Variants in MYH15 observed in about 807,000 individuals in gnomAD.
The protein encoded by MYH15 is myosin heavy chain 15.
In MYH15, 227 loss-of-function variants were observed where a neutral mutation model predicts 240.5. The observed-to-expected ratio is 0.94, with a 90% confidence interval of 0.85 to 1.05. MYH15 has a LOEUF of 1.05. Ranked by LOEUF, MYH15 falls within the 50% of genes least tolerant of loss-of-function variation. The pLI, the probability that MYH15 is intolerant of heterozygous loss-of-function variation, is 0.00. For missense variants in MYH15, 2,217 were observed against 2,247.5 expected, an observed-to-expected ratio of 0.99 and a Z score of 0.27; for synonymous variants, 785 against 796.7, an observed-to-expected ratio of 0.99 and a Z score of 0.25.
intron 37 of MYH15, 35 bp downstream of exon 37, chr3:108,391,725 G>T (rs1471696791): frequency 6.3e-7 from 1 of 1,589,298 alleles, no homozygotes; most frequent in African/African-American, 1.4e-5. Context: ...TTGAATTGGG[G>T]ACTGTCAAGC....
chr3:108,466,326 T>TTACTTTTA (rs1158685520), intron 14 of MYH15, among the ~76,000 whole-genome samples: 1 of 152,260 alleles, frequency 6.6e-6, no homozygotes, highest in Non-Finnish European at 1.5e-5. Flanking sequence ...AAATGCATTT[T>TTACTTTTA]TACTTTTATT....
chr3:108,397,987 A>T (rs529649421), intron 35 of MYH15, among the ~76,000 whole-genome samples: 94 of 152,246 alleles, frequency 6.2e-4, no homozygotes, highest in East Asian at 1.9e-4. Flanking sequence ...ATTTTGTCTC[A>T]CACACACACA....
intron 25 of MYH15, among the ~76,000 whole-genome samples, chr3:108,432,773 C>T (rs113323878): frequency 0.23 from 35,664 of 152,010 alleles, 4,765 homozygotes; most frequent in Non-Finnish European, 0.3. Context: ...ATGGAGCCTA[C>T]GAGTACACAG....
At chr3:108,431,022 G>A (rs1292270079) in intron 25 of MYH15, 100 bp from the exon 26 acceptor site, 2 of 841,420 alleles carry the variant, frequency 2.4e-6, no homozygotes, top group Non-Finnish European at 3.8e-6. Flanking sequence ...AAAGATAAAT[G>A]TTTGAGGTGA....
At chr3:108,484,815 C>G (rs1052593438) in intron 11 of MYH15, among the ~76,000 whole-genome samples, 4 of 152,160 alleles carry the variant, frequency 2.6e-5, no homozygotes, top group African/African-American at 9.7e-5. Context: ...TCTCAATAAT[C>G]TATGTGCTAA....
intron 9 of MYH15, among the ~76,000 whole-genome samples, chr3:108,488,584 A>C (rs2083322911): frequency 6.6e-6 from 1 of 152,218 alleles, no homozygotes; most frequent in Non-Finnish European, 1.5e-5. Context: ...CTGGGATTAC[A>C]GTCATGAGCT....
rs762590851 is a variant in MYH15, at chr3:108,460,295, ATTAC to A, written c.1932+1_1932+4del. The A allele has an allele frequency of 2.5e-6, 4 of 1,592,656 alleles. No individual in the cohort carries two copies. In the South Asian group the frequency reaches 3.5e-5, roughly 14 times the overall value. On this transcript the variant is annotated splice_donor_variant and splice_donor_region_variant and intron_variant, in intron 17 of 40. Transcript: ENST00000693548. LOFTEE classifies it high-confidence loss of function. ...AATATATGAATAGACGCAATTAAAA[ATTAC>A]TTTATGCAGAGATGCAACCGTTTGG... is the stretch of plus-strand genomic sequence containing the variant.
chr3:108,531,776 C>CTAAATAAATAAATAAATAAA (rs71103476), upstream of MYH15, among the ~76,000 whole-genome samples: 20 of 148,244 alleles, frequency 1.3e-4, no homozygotes, highest in East Asian at 2.2e-3. Flanking sequence ...GACCCCATCT[C>CTAAATAAATAAATAAATAAA]TAAATAAATA....
Position 108,392,565 on chromosome 3 carries a change from C to T in MYH15, c.5260-635G>A, listed in dbSNP as rs566860810. Among the ~76,000 whole-genome samples, 29 of 152,324 alleles carry T rather than the reference C, an allele frequency of 1.9e-4. No homozygotes were observed. In the South Asian group the frequency reaches 5.4e-3, roughly 28 times the overall value. ...GTACATTTAATGTAAGAACATGGCC[C>T]TCACAGCCCAAGCTTTTCTGTCTAT... On this transcript the variant is annotated intron_variant, in intron 36 of 40. Transcript: ENST00000693548.
Position 108,500,214 on chromosome 3 carries a change from T to A in MYH15, c.400A>T (p.Lys134Ter). ...NPYKWLPVYQ[K>*]EVMAAYKGKR... The stretch of plus-strand genomic sequence containing the variant: ...CCTTTGTAGGCGGCCATGACTTCTT[T>A]CTGATACACGGGAAGCCATTTGTAA... The change falls in exon 4 of 41, where the codon AAA becomes TAA. Residue 134 changes from lysine (K) to a stop codon, truncating the protein, a stop_gained. Transcript: ENST00000693548. LOFTEE classifies it high-confidence loss of function. 1.2e-6 allele frequency: 2 copies of A among 1,614,088 alleles called. No homozygotes were observed. Among genetic ancestry groups the A allele is most frequent in the Non-Finnish European group, 1.7e-6 (2 of 1,179,950 alleles).
chr3:108,423,473 A>G (rs1156892518), intron 27 of MYH15, among the ~76,000 whole-genome samples: 1 of 152,236 alleles, frequency 6.6e-6, no homozygotes, highest in African/African-American at 2.4e-5. Context: ...TTAATGTTAA[A>G]TGCCAGACAT....
rs143113223 is a variant in MYH15 at position 108,454,584 on chromosome 3, G to A, written c.2263-442C>T. Among the ~76,000 whole-genome samples the A allele has an allele frequency of 7.9e-5, 12 of 151,956 alleles. No individual in the cohort carries two copies. The East Asian group carries it at 2.3e-3, about 29-fold the overall frequency. On this transcript the variant is annotated intron_variant, in intron 20 of 40. Coordinates refer to ENST00000693548, the MANE Select transcript of MYH15 (RefSeq NM_014981.3). The stretch of plus-strand genomic sequence containing the variant: ...ATATTCTTGTTTTTTTAAACAATTC[G>A]TGAACCATCTAAAACCATTTTTAGC...
At chr3:108,483,056 T>C (rs1171815047) in intron 11 of MYH15, among the ~76,000 whole-genome samples, 2 of 151,856 alleles carry the variant, frequency 1.3e-5, no homozygotes, top group East Asian at 3.9e-4. Flanking sequence ...TAGCCCAGTG[T>C]AGTGGTGCAC....
At chr3:108,538,834 G>C in the MYH15 span, among the ~76,000 whole-genome samples, 2 of 152,126 alleles carry the variant, frequency 1.3e-5, no homozygotes, top group Non-Finnish European at 2.9e-5. Context: ...TACAGTTCTA[G>C]AGACTAGGAA....
At chr3:108,467,387 C>T (rs2083129492) in intron 14 of MYH15, among the ~76,000 whole-genome samples, 1 of 151,882 alleles carries the variant, frequency 6.6e-6, no homozygotes, top group Non-Finnish European at 1.5e-5. Context: ...TGCCAAGATG[C>T]TGCCAGTATT....
chr3:108,525,211 C>A (rs1258494395), intron 1 of MYH15, among the ~76,000 whole-genome samples: 1 of 152,018 alleles, frequency 6.6e-6, no homozygotes, highest in Non-Finnish European at 1.5e-5. Context: ...TATTTTAAAA[C>A]TAACGATTTG....
At chr3:108,488,795 A>G (rs754235210) in intron 9 of MYH15, among the ~76,000 whole-genome samples, 68 of 152,194 alleles carry the variant, frequency 4.5e-4, no homozygotes, top group Non-Finnish European at 7.9e-4. Context: ...CCTTGGATGT[A>G]TTCCCAGTAG....
chr3:108,396,185 T>A (rs1327299775), intron 35 of MYH15, among the ~76,000 whole-genome samples: 3 of 152,186 alleles, frequency 2.0e-5, no homozygotes, highest in Non-Finnish European at 4.4e-5. Flanking sequence ...CTCTCTAGGC[T>A]AGTGATTTTG....
Position 108,391,904 on chromosome 3 carries a change from C to A in MYH15, c.5286G>T (p.Lys1762Asn). 1 of 1,614,080 alleles carries A rather than the reference C, an allele frequency of 6.2e-7. No individual in the cohort carries two copies. The highest frequency in any genetic ancestry group is 8.5e-7 in the Non-Finnish European group (1 of 1,179,954). ...AGTGGGCAATGGTGTCTTGCTTCTT[C>A]TTCAGTTCTTCTGACAAGTTTGCTG... is the stretch of plus-strand genomic sequence containing the variant. ...IEAANLSEEL[K>N]KKQDTIAHLE... The change falls in exon 37 of 41, where the codon AAG becomes AAT. Residue 1762 changes from lysine to asparagine, a missense_variant. Coordinates refer to ENST00000693548, the MANE Select transcript of MYH15 (RefSeq NM_014981.3).
Sources: gnomAD v4.1 joint callset for allele counts (sites outside exome capture counted in the v4.1 genomes callset) on GRCh38, gnomAD v4.1.1 for gene constraint, MANE v1.5 for transcripts, NCBI Gene and HGNC (gene_info 2026-07-23, HGNC 2026-07-21) for gene names.